Variants in SLC5A11 observed in about 807,000 individuals in gnomAD.
SLC5A11 encodes sodium/myo-inositol cotransporter 2.
SLC5A11 carries 48 observed loss-of-function variants against 69.8 expected under a neutral mutation model. The ratio of observed to expected loss-of-function variants is 0.69; its 90% CI spans 0.55 to 0.87. The LOEUF (loss-of-function observed/expected upper bound fraction) is 0.87, where lower values mean the gene tolerates loss of function less well. Among genes scored for constraint, SLC5A11 ranks in the 40% least tolerant of loss-of-function variants. SLC5A11 has a pLI of 0.00. For missense variants in SLC5A11, 784 were observed against 866.1 expected (o/e 0.91, Z 1.19); for synonymous variants, 319 against 342.4 (o/e 0.93, Z 0.75).
intron 1 of SLC5A11, among the ~76,000 whole-genome samples, chr16:24,855,134 A>G (rs1208048017): frequency 1.3e-5 from 2 of 151,962 alleles, no homozygotes; most frequent in African/African-American, 2.4e-5. Context: ...CTGGCCTCCA[A>G]ATTATTTCTC....
intron 1 of SLC5A11, among the ~76,000 whole-genome samples, chr16:24,848,747 T>G (rs979029545): frequency 1.4e-4 from 21 of 152,126 alleles, no homozygotes; most frequent in African/African-American, 4.6e-4. Flanking sequence ...ACCATTGCAC[T>G]GCGGCTTGGT....
chr16:24,866,738 A>G (rs2046944161), intron 3 of SLC5A11, among the ~76,000 whole-genome samples: 1 of 152,186 alleles, frequency 6.6e-6, no homozygotes, highest in Non-Finnish European at 1.5e-5. Flanking sequence ...GGCTATACTA[A>G]TACCAGACAA....
At chr16:24,889,593 C>T (rs1178299193) in intron 8 of SLC5A11, among the ~76,000 whole-genome samples, 1 of 123,404 alleles carries the variant, frequency 8.1e-6, no homozygotes, top group Non-Finnish European at 1.6e-5. Context: ...CGCTCTGTCA[C>T]GCAGGCTGGA....
At chr16:24,849,758 C>T (rs922793115) in intron 1 of SLC5A11, among the ~76,000 whole-genome samples, 1 of 150,940 alleles carries the variant, frequency 6.6e-6, no homozygotes, top group Admixed American at 6.6e-5. Context: ...TCTGCCGGGT[C>T]CCCTGCACTC....
intron 5 of SLC5A11, among the ~76,000 whole-genome samples, chr16:24,874,255 C>T (rs977364743): frequency 2.6e-5 from 4 of 152,184 alleles, no homozygotes; most frequent in African/African-American, 9.6e-5. Flanking sequence ...AAGTTGCTCC[C>T]AGTATTGGTC....
At chr16:24,848,750 G>A (rs889072670) in intron 1 of SLC5A11, among the ~76,000 whole-genome samples, 11 of 151,942 alleles carry the variant, frequency 7.2e-5, no homozygotes, top group Admixed American at 3.3e-4. Context: ...ATTGCACTGC[G>A]GCTTGGTCAA....
At chr16:24,910,431 C>T (rs766753764) in exon 15 of SLC5A11, 95 of 1,614,002 alleles carry the variant, frequency 5.9e-5, no homozygotes, top group East Asian at 1.1e-4. Context: ...GCAGCAGCAG[C>T]GTCCAGTTCG....
At chr16:24,904,537 C>T (rs2049874361) in intron 10 of SLC5A11, among the ~76,000 whole-genome samples, 1 of 152,078 alleles carries the variant, frequency 6.6e-6, no homozygotes, top group African/African-American at 2.4e-5. Flanking sequence ...GTGCCAGCCA[C>T]CTATTTTTTT....
chr16:24,909,358 G>A (rs891450086), intron 14 of SLC5A11, among the ~76,000 whole-genome samples: 1 of 152,108 alleles, frequency 6.6e-6, no homozygotes, highest in Admixed American at 6.6e-5. Flanking sequence ...TAAACATAAG[G>A]CTGGGGTGCG....
In SLC5A11 at chr16:24,906,750, A is replaced by AACTCCTGCCCACAGGTAATGTCCCTTC. The variant is rs747137032; in HGVS notation, c.1108_1114+20dup. 7.4e-6 allele frequency: 12 copies of AACTCCTGCCCACAGGTAATGTCCCTTC among 1,612,638 alleles called. No homozygotes were observed. The African/African-American group carries it at 1.2e-4, about 16-fold the overall frequency. ...ATCGCGTATCCCAAACTCGTGCTGG[A>AACTCCTGCCCACAGGTAATGTCCCTTC]ACTCCTGCCCACAGGTAATGTCCCT... On this transcript the variant is annotated inframe_insertion, in exon 11 of 16. Coordinates refer to ENST00000347898, the Ensembl canonical transcript of SLC5A11.
chr16:24,859,819 TG>T (rs1274558331), intron 2 of SLC5A11, among the ~76,000 whole-genome samples: 1 of 152,212 alleles, frequency 6.6e-6, no homozygotes, highest in African/African-American at 2.4e-5. Context: ...TCATTTGGAT[TG>T]TTTCCAATCT....
exon 9 of SLC5A11, chr16:24,891,052 T>A (rs1262460795): frequency 6.2e-7 from 1 of 1,614,150 alleles, no homozygotes; most frequent in Non-Finnish European, 8.5e-7. Context: ...ATCCCATCCC[T>A]CTGGTACTGG....
intron 1 of SLC5A11, among the ~76,000 whole-genome samples, chr16:24,848,977 G>A (rs1383614730): frequency 1.3e-5 from 2 of 152,098 alleles, no homozygotes; most frequent in East Asian, 3.9e-4. Context: ...GAATGGAATT[G>A]GGAGTGAATA....
intron 4 of SLC5A11, among the ~76,000 whole-genome samples, chr16:24,870,357 C>G (rs937005343): frequency 6.6e-6 from 1 of 151,692 alleles, no homozygotes; most frequent in Non-Finnish European, 1.5e-5. Flanking sequence ...TGCACTACTG[C>G]GCGCCAGCCT....
At chr16:24,852,503 G>T (rs1158851730) in intron 1 of SLC5A11, among the ~76,000 whole-genome samples, 1 of 152,132 alleles carries the variant, frequency 6.6e-6, no homozygotes, top group Non-Finnish European at 1.5e-5. Flanking sequence ...TATAACACAA[G>T]CTGCCGTGAA....
intron 14 of SLC5A11, 46 bp from the exon 16 acceptor site, chr16:24,910,260 G>C (rs375132353): frequency 1.3e-6 from 2 of 1,597,418 alleles, no homozygotes; most frequent in Admixed American, 1.7e-5. Context: ...GGACAACCCC[G>C]GCCCCACCTC....
chr16:24,899,218 G>C (rs973470755), intron 10 of SLC5A11, among the ~76,000 whole-genome samples: 1 of 152,212 alleles, frequency 6.6e-6, no homozygotes, highest in African/African-American at 2.4e-5. Context: ...AGTCCTATAG[G>C]TATCCCAGGC....
chr16:24,900,434 G>C (rs755424192), intron 10 of SLC5A11, among the ~76,000 whole-genome samples: 21 of 152,182 alleles, frequency 1.4e-4, no homozygotes, highest in Non-Finnish European at 2.2e-4. Context: ...CATGGTGCTA[G>C]ACCTTGAACC....
At chr16:24,907,198 T>A in intron 12 of SLC5A11, 23 bp downstream of exon 13, 1 of 1,612,680 alleles carries the variant, frequency 6.2e-7, no homozygotes. Flanking sequence ...TGGGTGGGGC[T>A]GGGGCAGGGG....
Sources: gnomAD v4.1 joint callset for allele counts (sites outside exome capture counted in the v4.1 genomes callset) on GRCh38, gnomAD v4.1.1 for gene constraint, MANE v1.5 for transcripts, NCBI Gene and HGNC (gene_info 2026-07-23, HGNC 2026-07-21) for gene names.